MYO5B: variants seen among roughly 807,000 people sequenced by gnomAD.
MYO5B encodes the protein unconventional myosin-Vb.
In MYO5B, 143 loss-of-function variants were observed where a neutral mutation model predicts 229.3. The observed-to-expected ratio is 0.62, with a 90% CI of 0.54 to 0.72. The LOEUF is 0.72. Among genes scored for constraint, MYO5B ranks in the 30% least tolerant of loss-of-function variants. The pLI is 0.00. For synonymous variants in MYO5B, 918 were observed against 885.2 expected (o/e 1.04, Z -0.66); for missense variants, 2,321 against 2,331.0 (o/e 1.00, Z 0.09).
chr18:50,053,861 C>T (rs1006709580), intron 2 of MYO5B, among the ~76,000 whole-genome samples: 4 of 152,138 alleles, frequency 2.6e-5, no homozygotes, highest in Admixed American at 6.5e-5. Context: ...AGTGCTGTTG[C>T]CATTCAGAGA....
At chr18:49,962,128 A>G in intron 12 of MYO5B, 138 bp downstream of exon 12, 1 of 1,094,108 alleles carries the variant, frequency 9.1e-7, no homozygotes, top group Non-Finnish European at 1.4e-6. Context: ...TGCTTCTAGT[A>G]TGCAGCCTGC....
At chr18:49,913,865 G>C (rs2024984232) in intron 17 of MYO5B, among the ~76,000 whole-genome samples, 1 of 152,066 alleles carries the variant, frequency 6.6e-6, no homozygotes, top group Non-Finnish European at 1.5e-5. Context: ...AGAGAGAAGA[G>C]AAAGAGCATC....
intron 4 of MYO5B, among the ~76,000 whole-genome samples, chr18:50,025,947 C>A (rs1598962610): frequency 6.6e-6 from 1 of 152,192 alleles, no homozygotes; most frequent in East Asian, 1.9e-4. Context: ...AAATTGTTTT[C>A]TGTGACACTG....
At chr18:49,840,905 G>A (rs1568604828) in intron 35 of MYO5B, among the ~76,000 whole-genome samples, 2 of 152,192 alleles carry the variant, frequency 1.3e-5, no homozygotes, top group Non-Finnish European at 2.9e-5. Context: ...ACGTAGTTCT[G>A]ATTATGGTGT....
intron 1 of MYO5B, among the ~76,000 whole-genome samples, chr18:50,078,003 C>T (rs993105031): frequency 2.5e-4 from 38 of 152,322 alleles, no homozygotes; most frequent in African/African-American, 8.9e-4. Flanking sequence ...GGACTTATTT[C>T]CTTGGAGGCA....
chr18:49,902,558 C>A (rs755998696), intron 21 of MYO5B, 36 bp downstream of exon 21: 3 of 1,605,106 alleles, frequency 1.9e-6, no homozygotes, highest in Admixed American at 3.3e-5. Flanking sequence ...AGTACCCAAG[C>A]CCCCGACACC....
chr18:49,962,378 T>G lies in MYO5B; in HGVS notation c.1433A>C (p.Tyr478Ser). ...GGTCCAAGGGATCTGTTCCTTCATG[T>G]ATTCTTCTTGCTCCAGTTTGAAAAC... Reference protein sequence around the residue: ...SHVFKLEQEEYMKEQIPWTLI... With the variant: ...SHVFKLEQEESMKEQIPWTLI... Residue 478 changes from tyrosine (Y) to serine (S), a missense_variant, in exon 12 of 40, where the codon TAC (tyrosine) becomes TCC (serine). Transcript: ENST00000285039. 6.2e-7 allele frequency: 1 copy of G among 1,614,214 alleles called. No individual in the cohort carries two copies. The highest frequency in any genetic ancestry group is 8.5e-7 in the Non-Finnish European group (1 of 1,180,026).
intron 18 of MYO5B, among the ~76,000 whole-genome samples, chr18:49,908,045 G>A (rs2024919181): frequency 6.6e-6 from 1 of 152,226 alleles, no homozygotes; most frequent in African/African-American, 2.4e-5. Flanking sequence ...CTAAGCCCCT[G>A]AGTCAGGGAA....
intron 1 of MYO5B, among the ~76,000 whole-genome samples, chr18:50,065,597 T>C (rs1286117083): frequency 6.6e-6 from 1 of 152,158 alleles, no homozygotes; most frequent in Non-Finnish European, 1.5e-5. Flanking sequence ...ACTCATCTCC[T>C]ACCAGGTCCC....
intron 39 of MYO5B, among the ~76,000 whole-genome samples, 155 bp from the exon 40 acceptor site, chr18:49,826,778 T>C (rs912810292): frequency 9.9e-5 from 15 of 152,174 alleles, no homozygotes; most frequent in Non-Finnish European, 2.1e-4. Flanking sequence ...TCCTCACCCT[T>C]GAGGTATTTA....
intron 1 of MYO5B, among the ~76,000 whole-genome samples, chr18:50,094,083 T>C (rs1195352369): frequency 6.6e-6 from 1 of 152,240 alleles, no homozygotes; most frequent in African/African-American, 2.4e-5. Flanking sequence ...TCGAATTCTT[T>C]GTGTGAGATC....
chr18:49,936,278 C>A lies in MYO5B; in HGVS notation c.1977G>T (p.Lys659Asn). Residue 659 changes from lysine (K) to asparagine (N), a missense_variant, in exon 16 of 40, where the codon AAG (lysine) becomes AAT (asparagine). Around this residue, in one of 2 missense-constraint regions of MYO5B, gnomAD observed 2,113 missense variants for 2,044.7 expected, o/e 1.03. Transcript: ENST00000285039. ...ATTPHYVRCIKPNDEKLPFHF... is the reference protein window; with the variant it reads ...ATTPHYVRCINPNDEKLPFHF... ...GAAAGGGGAGCTTCTCATCGTTGGGCTTGATGCAGCGGACATAGTGAGGTG... is the reference window on the plus strand; with the variant it reads ...GAAAGGGGAGCTTCTCATCGTTGGGATTGATGCAGCGGACATAGTGAGGTG... The A allele has an allele frequency of 1.2e-6, 2 of 1,602,518 alleles. No homozygotes were observed. The highest frequency in any genetic ancestry group is 1.7e-6 in the Non-Finnish European group (2 of 1,174,038).
chr18:49,926,754 C>G (rs1356156930), intron 17 of MYO5B, among the ~76,000 whole-genome samples: 4 of 152,122 alleles, frequency 2.6e-5, no homozygotes, highest in Non-Finnish European at 5.9e-5. Flanking sequence ...AGATTTCATT[C>G]TATATTCAAA....
At chr18:49,843,508 A>ATTCC in intron 33 of MYO5B, 116 bp from the exon 34 acceptor site, 3 of 1,294,940 alleles carry the variant, frequency 2.3e-6, no homozygotes, top group Non-Finnish European at 3.3e-6. Flanking sequence ...TCATCTAGGA[A>ATTCC]TAGATGTCTC....
chr18:49,888,103 T>C (rs967423007), intron 22 of MYO5B, among the ~76,000 whole-genome samples: 2 of 152,178 alleles, frequency 1.3e-5, no homozygotes, highest in African/African-American at 4.8e-5. Context: ...CAATAAGGGC[T>C]GTAGCAGCTT....
chr18:49,920,076 G>A (rs1167894943), intron 17 of MYO5B, among the ~76,000 whole-genome samples: 1 of 152,214 alleles, frequency 6.6e-6, no homozygotes, highest in Non-Finnish European at 1.5e-5. Flanking sequence ...CACATATTAT[G>A]TGATTCCATT....
intron 4 of MYO5B, among the ~76,000 whole-genome samples, chr18:50,030,876 G>GAAAAAAAAAAA (rs869189090): frequency 6.6e-5 from 2 of 30,500 alleles, no homozygotes; most frequent in Non-Finnish European, 1.2e-4. Context: ...CTCCCTTTCA[G>GAAAAAAAAAAA]AAAAAAAAAA....
At chr18:49,992,082 A>C (rs1021980479) in intron 6 of MYO5B, among the ~76,000 whole-genome samples, 7 of 152,246 alleles carry the variant, frequency 4.6e-5, no homozygotes, top group Non-Finnish European at 1.0e-4. Context: ...ATCTGAAAAC[A>C]GTACTGTATA....
chr18:49,835,217 G>A, intron 39 of MYO5B, 127 bp downstream of exon 39: 6 of 711,120 alleles, frequency 8.4e-6, no homozygotes, highest in Non-Finnish European at 1.5e-5. Flanking sequence ...GTCTAGGAAT[G>A]TAAGGTCTCC....
Sources: gnomAD v4.1 joint callset for allele counts (sites outside exome capture counted in the v4.1 genomes callset) on GRCh38, gnomAD v4.1.1 for gene constraint, gnomAD v4.1.1 regional missense constraint, MANE v1.5 for transcripts, NCBI Gene and HGNC (gene_info 2026-07-23, HGNC 2026-07-21) for gene names.